The following RYR3 variants were observed in gnomAD, a reference collection of about 807,000 sequenced individuals.
RYR3 encodes the protein brain ryanodine receptor-calcium release channel.
RYR3 carries 207 observed loss-of-function variants against 584.3 expected under a neutral mutation model. The ratio of observed to expected loss-of-function variants is 0.35; its 90% CI spans 0.32 to 0.40. RYR3 has a LOEUF of 0.40. Ranked by LOEUF, RYR3 falls within the 10% of genes least tolerant of loss-of-function variation. The pLI is 1.00. For missense variants in RYR3, 5,616 were observed against 6,089.2 expected (o/e 0.92, Z 2.59); for synonymous variants, 2,416 against 2,248.5 (o/e 1.07, Z -2.11).
intron 1 of RYR3, among the ~76,000 whole-genome samples, chr15:33,443,603 T>G (rs2046398032): frequency 6.6e-6 from 1 of 152,064 alleles, no homozygotes; most frequent in Non-Finnish European, 1.5e-5. Flanking sequence ...AGTACAGACA[T>G]CGCTCCTCTG....
intron 1 of RYR3, among the ~76,000 whole-genome samples, chr15:33,312,247 C>T (rs373538792): frequency 1.1e-4 from 16 of 152,276 alleles, no homozygotes; most frequent in African/African-American, 3.8e-4. Context: ...ACCTGGTCTT[C>T]GAAGATCACA....
intron 1 of RYR3, among the ~76,000 whole-genome samples, chr15:33,350,642 A>G (rs1178757656): frequency 1.3e-5 from 2 of 151,982 alleles, no homozygotes; most frequent in Admixed American, 1.3e-4. Flanking sequence ...AAACTGAACA[A>G]CCTGCTCCTG....
chr15:33,865,483 C>CAAGTTTTCCAGTTCTGAGGTAACTAGT lies in RYR3; in HGVS notation c.*258_*284dup, dbSNP rs1458026211. 4.8e-5 allele frequency: 20 copies of CAAGTTTTCCAGTTCTGAGGTAACTAGT among 413,246 alleles called. No individual in the cohort carries two copies. Among genetic ancestry groups the CAAGTTTTCCAGTTCTGAGGTAACTAGT allele is most frequent in the Non-Finnish European group, 7.4e-5 (17 of 230,696 alleles). The allele number at this position is 413,246 out of a possible 1,614,324, so 25.6% of individuals were successfully genotyped here. On this transcript the variant is annotated 3_prime_UTR_variant, in exon 104 of 104. Coordinates refer to ENST00000634891, the MANE Select transcript of RYR3 (RefSeq NM_001036.6). ...CAAGTAATCTCTAGGCAAATGCCTT[C>CAAGTTTTCCAGTTCTGAGGTAACTAGT]AAGTTTTCCAGTTCTGAGGTAACTA... is the stretch of plus-strand genomic sequence containing the variant.
intron 38 of RYR3, among the ~76,000 whole-genome samples, chr15:33,677,631 C>A (rs2064273657): frequency 6.6e-6 from 1 of 152,224 alleles, no homozygotes. Flanking sequence ...CACAGTCTTA[C>A]TGGCTTGCAG....
chr15:33,615,899 C>T (rs889590997), intron 19 of RYR3, among the ~76,000 whole-genome samples: 2 of 152,200 alleles, frequency 1.3e-5, no homozygotes, highest in African/African-American at 4.8e-5. Context: ...ATCTTCCCCA[C>T]TCCACTCCTT....
intron 45 of RYR3, among the ~76,000 whole-genome samples, chr15:33,725,440 T>C (rs1203518366): frequency 6.6e-6 from 1 of 152,116 alleles, no homozygotes; most frequent in Non-Finnish European, 1.5e-5. Context: ...GAACGCCTAC[T>C]ACACCCCGCC....
intron 67 of RYR3, among the ~76,000 whole-genome samples, chr15:33,795,750 C>G (rs1172129882): frequency 6.6e-6 from 1 of 151,954 alleles, no homozygotes; most frequent in Non-Finnish European, 1.5e-5. Context: ...AGGCTGGTCT[C>G]GAACTCGTGA....
At chr15:33,339,697 G>A (rs904996948) in intron 1 of RYR3, among the ~76,000 whole-genome samples, 10 of 152,088 alleles carry the variant, frequency 6.6e-5, no homozygotes, top group Middle Eastern at 3.2e-3. Flanking sequence ...AGACCATCCT[G>A]GCTAACACGG....
intron 1 of RYR3, among the ~76,000 whole-genome samples, chr15:33,454,411 A>G (rs922052640): frequency 2.0e-5 from 3 of 152,190 alleles, no homozygotes; most frequent in Non-Finnish European, 2.9e-5. Flanking sequence ...CTGTGAGTAT[A>G]TTGGCGGTAA....
At position 33,509,965 on chromosome 15, in the gene RYR3, C is replaced by T. The variant is rs72727616; in HGVS notation, c.279+6227C>T. On this transcript the variant is annotated intron_variant, in intron 3 of 103. Coordinates refer to ENST00000634891, the MANE Select transcript of RYR3 (RefSeq NM_001036.6). ...CTTGGAGAGGGAGAAAAATAACATT[C>T]TGGTTTCAGATGCTGTTCTTTCCCT... Among the ~76,000 whole-genome samples the T allele has an allele frequency of 7.6e-3, 1,159 of 152,340 alleles. 15 individuals are homozygous for T. The highest frequency in any genetic ancestry group is 0.011 in the Non-Finnish European group (735 of 68,036).
At chr15:33,498,595 T>C (rs2051654224) in intron 2 of RYR3, among the ~76,000 whole-genome samples, 1 of 152,152 alleles carries the variant, frequency 6.6e-6, no homozygotes. Flanking sequence ...AATTCCTTGT[T>C]GGATGAATAG....
chr15:33,760,849 G>A lies in RYR3; in HGVS notation c.8705+3253G>A, dbSNP rs138729954. Among the ~76,000 whole-genome samples, 147 of 152,278 alleles carry A rather than the reference G, an allele frequency of 9.7e-4. 3 individuals carry two copies. The East Asian group carries it at 0.027, about 28-fold the overall frequency. ...TCTAAAATTGACCACATAATTGGAA[G>A]TAAAGCACTCCTCAGCAAATGTAAA... On this transcript the variant is annotated intron_variant, in intron 60 of 103. Transcript: ENST00000634891.
chr15:33,455,098 A>G (rs1173889484), intron 1 of RYR3, among the ~76,000 whole-genome samples: 1 of 152,186 alleles, frequency 6.6e-6, no homozygotes, highest in Non-Finnish European at 1.5e-5. Flanking sequence ...GGAGAGAAGC[A>G]AAGGAAATTC....
At chr15:33,404,496 A>G (rs1355000247) in intron 1 of RYR3, among the ~76,000 whole-genome samples, 2 of 152,120 alleles carry the variant, frequency 1.3e-5, no homozygotes, top group African/African-American at 4.8e-5. Context: ...TGGCAGAACT[A>G]CTATCATTGA....
At chr15:33,697,285 A>C (rs1313683215) in intron 39 of RYR3, among the ~76,000 whole-genome samples, 2 of 152,152 alleles carry the variant, frequency 1.3e-5, no homozygotes, top group Non-Finnish European at 2.9e-5. Context: ...AAATGAAGCG[A>C]CTTTTATGGG....
intron 1 of RYR3, among the ~76,000 whole-genome samples, chr15:33,467,020 C>T (rs1286677717): frequency 6.9e-6 from 1 of 145,572 alleles, no homozygotes; most frequent in Non-Finnish European, 1.5e-5. Flanking sequence ...CCAAAAAGCC[C>T]ACTTATTTTT....
At chr15:33,710,369 G>T (rs1295258381) in intron 43 of RYR3, among the ~76,000 whole-genome samples, 1 of 143,540 alleles carries the variant, frequency 7.0e-6, no homozygotes, top group Non-Finnish European at 1.5e-5. Flanking sequence ...TTTGAGACAG[G>T]GTCTTGCTCT....
At chr15:33,736,747 T>A (rs919463983) in intron 49 of RYR3, among the ~76,000 whole-genome samples, 1 of 150,842 alleles carries the variant, frequency 6.6e-6, no homozygotes, top group Non-Finnish European at 1.5e-5. Context: ...GTTTGTTTGT[T>A]TTCTACTTTT....
Position 33,818,623 on chromosome 15 carries a change from C to A in RYR3, c.10645C>A (p.Gln3549Lys), listed in dbSNP as rs2076945607. Reference sequence around the variant, plus strand: ...GGAGGAGGAGGAAGAGACAGAAAAACAACCTGACCCACTACATCAGATCAT... The same window carrying A: ...GGAGGAGGAGGAAGAGACAGAAAAAAAACCTGACCCACTACATCAGATCAT... ...EEEEEEETEK[Q>K]PDPLHQIILY... Residue 3549 changes from glutamine to lysine, a missense_variant, in exon 76 of 104, where the codon CAA (glutamine) becomes AAA (lysine). Gln to Lys is a moderately conservative substitution (Grantham distance 53). Transcript: ENST00000634891. 1 of 1,613,872 alleles carries A rather than the reference C, an allele frequency of 6.2e-7. No homozygotes were observed. The highest frequency in any genetic ancestry group is 1.3e-5 in the African/African-American group (1 of 74,920).
Sources: gnomAD v4.1 joint callset for allele counts (sites outside exome capture counted in the v4.1 genomes callset) on GRCh38, gnomAD v4.1.1 for gene constraint, MANE v1.5 for transcripts, NCBI Gene and HGNC (gene_info 2026-07-23, HGNC 2026-07-21) for gene names.